The following ATP8A2 variants were observed in gnomAD, a reference collection of about 807,000 sequenced individuals.
ATP8A2 encodes phospholipid-transporting ATPase IB.
Under a neutral mutation model 165.6 loss-of-function variants are expected in ATP8A2, and 100 were observed. That is an observed-to-expected ratio of 0.60 (90% CI 0.51 to 0.71). ATP8A2 has a LOEUF of 0.71. Among genes scored for constraint, ATP8A2 ranks in the 30% least tolerant of loss-of-function variants. ATP8A2 has a pLI of 0.00. For synonymous variants in ATP8A2, 543 were observed against 548.8 expected, an observed-to-expected ratio of 0.99 and a Z score of 0.15; for missense variants, 1,227 against 1,479.5, an observed-to-expected ratio of 0.83 and a Z score of 2.80.
intron 4 of ATP8A2, among the ~76,000 whole-genome samples, chr13:25,531,365 T>TTG (rs2038082007): frequency 8.0e-6 from 1 of 124,966 alleles, no homozygotes; most frequent in Non-Finnish European, 1.6e-5. Context: ...TTATATATGA[T>TTG]ATATATATGT....
At chr13:25,538,646 A>C (rs2038364747) in intron 7 of ATP8A2, among the ~76,000 whole-genome samples, 1 of 152,190 alleles carries the variant, frequency 6.6e-6, no homozygotes, top group Admixed American at 6.5e-5. Flanking sequence ...TTGGTGCATG[A>C]AAGTACATAG....
chr13:25,389,121 G>A (rs1414138953), intron 1 of ATP8A2, among the ~76,000 whole-genome samples: 1 of 152,160 alleles, frequency 6.6e-6, no homozygotes, highest in Non-Finnish European at 1.5e-5. Flanking sequence ...AGTGAAATTT[G>A]GGGGAAGCCA....
At chr13:25,394,392 G>A (rs2033349318) in intron 1 of ATP8A2, among the ~76,000 whole-genome samples, 1 of 152,184 alleles carries the variant, frequency 6.6e-6, no homozygotes, top group Non-Finnish European at 1.5e-5. Flanking sequence ...TGGTATCTGT[G>A]TTTTACTTAA....
chr13:25,473,852 T>C (rs9581353), intron 2 of ATP8A2, among the ~76,000 whole-genome samples: 76 of 152,226 alleles, frequency 5.0e-4, no homozygotes, highest in African/African-American at 1.8e-3. Flanking sequence ...TATATCTAAA[T>C]TTTCAAGAAT....
At chr13:25,664,565 G>C (rs2042112467) in intron 24 of ATP8A2, among the ~76,000 whole-genome samples, 1 of 152,198 alleles carries the variant, frequency 6.6e-6, no homozygotes, top group Non-Finnish European at 1.5e-5. Flanking sequence ...TCAAGCCAGA[G>C]AGAGCAGTTG....
At chr13:25,739,132 T>C (rs2043851982) in intron 25 of ATP8A2, among the ~76,000 whole-genome samples, 1 of 152,206 alleles carries the variant, frequency 6.6e-6, no homozygotes, top group Non-Finnish European at 1.5e-5. Context: ...AATCTTCTGG[T>C]GTTTCTCTCA....
At chr13:25,756,718 G>A (rs1309452086) in intron 25 of ATP8A2, among the ~76,000 whole-genome samples, 2 of 152,224 alleles carry the variant, frequency 1.3e-5, no homozygotes, top group Non-Finnish European at 2.9e-5. Flanking sequence ...TAGGATTACA[G>A]CAGCCAATGC....
At chr13:25,748,908 C>G (rs536161944) in intron 25 of ATP8A2, among the ~76,000 whole-genome samples, 1 of 152,132 alleles carries the variant, frequency 6.6e-6, no homozygotes, top group Non-Finnish European at 1.5e-5. Context: ...CCCCCCATCA[C>G]CACCATGTAT....
intron 25 of ATP8A2, among the ~76,000 whole-genome samples, chr13:25,743,739 T>A (rs1198019243): frequency 6.6e-6 from 1 of 152,348 alleles, no homozygotes; most frequent in East Asian, 1.9e-4. Flanking sequence ...GTTCTAGAGC[T>A]TTCAACAAGT....
intron 34 of ATP8A2, 62 bp from the exon 35 acceptor site, chr13:25,968,513 G>A (rs1955835228): frequency 1.4e-6 from 2 of 1,471,096 alleles, no homozygotes; most frequent in Non-Finnish European, 1.9e-6. Flanking sequence ...GGAGCGGCCT[G>A]TCTTTCCCAG....
chr13:25,562,814 T>C (rs951666156), intron 15 of ATP8A2, among the ~76,000 whole-genome samples: 1 of 152,220 alleles, frequency 6.6e-6, no homozygotes, highest in African/African-American at 2.4e-5. Context: ...TTTTTTTTTC[T>C]GGCTGTGGAA....
At chr13:25,597,383 C>T (rs574336820) in intron 24 of ATP8A2, among the ~76,000 whole-genome samples, 187 of 152,344 alleles carry the variant, frequency 1.2e-3, no homozygotes, top group African/African-American at 3.6e-3. Flanking sequence ...TGGAATGTCA[C>T]TCCCTTGCAT....
intron 24 of ATP8A2, among the ~76,000 whole-genome samples, chr13:25,609,336 A>G (rs946883638): frequency 4.6e-5 from 7 of 151,942 alleles, no homozygotes; most frequent in Non-Finnish European, 5.9e-5. Flanking sequence ...GGAATGGCCA[A>G]TTACCTAGGA....
intron 33 of ATP8A2, among the ~76,000 whole-genome samples, chr13:25,960,491 A>C (rs1401892655): frequency 1.3e-5 from 2 of 151,950 alleles, no homozygotes; most frequent in African/African-American, 2.4e-5. Context: ...CGAAACTTCT[A>C]TTCCAGTAGG....
chr13:25,723,280 A>G (rs1323400944), intron 25 of ATP8A2, among the ~76,000 whole-genome samples: 2 of 152,308 alleles, frequency 1.3e-5, no homozygotes, highest in Middle Eastern at 3.4e-3. Flanking sequence ...GAGTTTATAA[A>G]AATTTCCTTA....
rs116474209 is a variant in ATP8A2 at position 25,411,935 on chromosome 13, C to A, written c.76+39647C>A. On this transcript the variant is annotated intron_variant, in intron 1 of 36. Coordinates refer to ENST00000381655, the MANE Select transcript of ATP8A2 (RefSeq NM_016529.6). ...TAAATCTTCCTGCCCAAACTCTTCT[C>A]CTCCTAAAACTATCTAAATAAAAAT... 6.4e-3 allele frequency among the ~76,000 whole-genome samples: 976 copies of A among 152,322 alleles called. 15 individuals are homozygous for A. The highest frequency in any genetic ancestry group is 0.021 in the African/African-American group (882 of 41,558).
chr13:25,489,369 G>A (rs2036450585), intron 2 of ATP8A2, among the ~76,000 whole-genome samples: 1 of 152,074 alleles, frequency 6.6e-6, no homozygotes, highest in South Asian at 2.1e-4. Flanking sequence ...TGTTTTTCAG[G>A]CTCAGGTTGC....
At chr13:25,398,718 G>C (rs80049337) in intron 1 of ATP8A2, among the ~76,000 whole-genome samples, 6,462 of 152,284 alleles carry the variant, frequency 0.042, 379 homozygotes, top group East Asian at 0.29. Flanking sequence ...CTCAGGAGGG[G>C]AGGAAGGTGT....
At chr13:25,433,466 G>A (rs2034670894) in intron 1 of ATP8A2, among the ~76,000 whole-genome samples, 1 of 152,064 alleles carries the variant, frequency 6.6e-6, no homozygotes, top group South Asian at 2.1e-4. Flanking sequence ...AGAGACGGGG[G>A]TCTTGCTTTG....
Sources: gnomAD v4.1 joint callset for allele counts (sites outside exome capture counted in the v4.1 genomes callset) on GRCh38, gnomAD v4.1.1 for gene constraint, MANE v1.5 for transcripts, NCBI Gene and HGNC (gene_info 2026-07-23, HGNC 2026-07-21) for gene names.